Variants in ATP6V1G3 observed in about 807,000 individuals in gnomAD.
ATP6V1G3 encodes ATPase H+ transporting V1 subunit G3.
ATP6V1G3 carries 9 observed loss-of-function variants against 9.3 expected under a neutral mutation model. That is an observed-to-expected ratio of 0.97 (90% confidence interval 0.59 to 1.69). The LOEUF (loss-of-function observed/expected upper bound fraction) is 1.69, where lower values mean the gene tolerates loss of function less well. Ranked by LOEUF, ATP6V1G3 falls within the 40% of genes most tolerant of loss-of-function variation. The probability of loss-of-function intolerance (pLI) is 0.00; values close to 1 mark genes in which losing one functional copy is unlikely to be tolerated. For synonymous variants in ATP6V1G3, 43 were observed against 43.8 expected, an observed-to-expected ratio of 0.98 and a Z score of 0.07; for missense variants, 133 against 139.0, an observed-to-expected ratio of 0.96 and a Z score of 0.22.
At position 198,523,534 on chromosome 1, in the gene ATP6V1G3, C is replaced by T. The variant is rs2103128317; in HGVS notation, c.214G>A (p.Glu72Lys). The T allele has an allele frequency of 6.2e-7, 1 of 1,613,206 alleles. No homozygotes were observed. The highest frequency in any genetic ancestry group is 8.5e-7 in the Non-Finnish European group (1 of 1,179,602). ...IMGSQNNLSD[E>K]IEEQTLGKIQ... ...TTCCCTAGTGTTTGTTCTTCTATTT[C>T]ATCTGAGAGATTATTCTGAGAGCCC... The change falls in exon 3 of 3, where the codon GAA becomes AAA. Residue 72 changes from glutamate (E) to lysine (K), a missense_variant. Transcript: ENST00000367382.
chr1:198,527,289 C>T (rs1320710720), intron 2 of ATP6V1G3, among the ~76,000 whole-genome samples: 1 of 152,080 alleles, frequency 6.6e-6, no homozygotes, highest in Non-Finnish European at 1.5e-5. Context: ...ATATGCTGAC[C>T]TTTCTATGTG....
At position 198,529,075 on chromosome 1, in the gene ATP6V1G3, A is replaced by T; in HGVS notation, c.183+6T>A. The T allele has an allele frequency of 7.1e-7, 1 of 1,402,684 alleles. No individual in the cohort carries two copies. The highest frequency in any genetic ancestry group is 9.9e-7 in the Non-Finnish European group (1 of 1,011,844). The allele number at this position is 1,402,684 out of a possible 1,614,324, so 86.9% of individuals were successfully genotyped here. ...CATAAGAAACAGTGCTGACTTTCTT[A>T]CTCACCTTAGATTGTTTTAGTCGAA... On this transcript the variant is annotated splice_donor_region_variant and intron_variant, in intron 2 of 2. Coordinates refer to ENST00000367382, the MANE Select transcript of ATP6V1G3 (RefSeq NM_001376861.1).
At chr1:198,537,143 A>T (rs764568928) in intron 1 of ATP6V1G3, among the ~76,000 whole-genome samples, 4 of 152,084 alleles carry the variant, frequency 2.6e-5, no homozygotes, top group Non-Finnish European at 4.4e-5. Context: ...AGACTTGCAT[A>T]TTCAATTTCT....
intron 1 of ATP6V1G3, 46 bp from the exon 2 acceptor site, chr1:198,529,227 TC>T: frequency 2.4e-6 from 1 of 412,830 alleles, no homozygotes; most frequent in Non-Finnish European, 3.6e-6. Context: ...ATTATATATA[TC>T]AATATATAAA....
chr1:198,538,998 T>A (rs1159939693), intron 1 of ATP6V1G3, among the ~76,000 whole-genome samples: 1 of 152,142 alleles, frequency 6.6e-6, no homozygotes, highest in African/African-American at 2.4e-5. Flanking sequence ...TTGTTTTCTA[T>A]AAAACTACTC....
intron 1 of ATP6V1G3, among the ~76,000 whole-genome samples, chr1:198,537,486 T>C (rs1178058868): frequency 6.6e-6 from 1 of 152,170 alleles, no homozygotes; most frequent in Non-Finnish European, 1.5e-5. Context: ...CCCAAGTTTC[T>C]GAGAGTCTTG....
chr1:198,540,731 A>T (rs549911104), upstream of ATP6V1G3: 2 of 1,378,100 alleles, frequency 1.5e-6, no homozygotes, highest in East Asian at 2.3e-5. Context: ...TTAACATATA[A>T]CTCAGATTAT....
chr1:198,532,687 A>G (rs951392925), intron 1 of ATP6V1G3, among the ~76,000 whole-genome samples: 2 of 152,160 alleles, frequency 1.3e-5, no homozygotes, highest in Non-Finnish European at 2.9e-5. Flanking sequence ...GCCTAAAGGA[A>G]TAAGGCAACT....
intron 1 of ATP6V1G3, among the ~76,000 whole-genome samples, chr1:198,538,732 C>T (rs954751510): frequency 6.6e-5 from 10 of 151,212 alleles, no homozygotes; most frequent in Non-Finnish European, 1.3e-4. Context: ...GGCGAAACCC[C>T]GTCTCTACAA....
At chr1:198,531,975 A>T (rs545295842) in intron 1 of ATP6V1G3, among the ~76,000 whole-genome samples, 1 of 151,194 alleles carries the variant, frequency 6.6e-6, no homozygotes, top group South Asian at 2.1e-4. Context: ...AGTCAAGGAG[A>T]AAAAAAAAGG....
chr1:198,527,032 AG>A (rs1659682460), intron 2 of ATP6V1G3, among the ~76,000 whole-genome samples: 1 of 152,198 alleles, frequency 6.6e-6, no homozygotes, highest in Admixed American at 6.6e-5. Flanking sequence ...TTGATAAGTC[AG>A]GGGACTTGAA....
chr1:198,524,656 G>A (rs576303390), intron 2 of ATP6V1G3, among the ~76,000 whole-genome samples: 2 of 152,232 alleles, frequency 1.3e-5, no homozygotes, highest in South Asian at 4.1e-4. Flanking sequence ...AATTTCACCA[G>A]AGGAGTTAAC....
At chr1:198,536,630 T>C (rs1341186234) in intron 1 of ATP6V1G3, 3 of 1,471,738 alleles carry the variant, frequency 2.0e-6, no homozygotes, top group Non-Finnish European at 2.8e-6. Flanking sequence ...AAATATAACC[T>C]GTAATCAGTG....
chr1:198,529,459 T>G (rs1454431980), intron 1 of ATP6V1G3, among the ~76,000 whole-genome samples: 2 of 151,768 alleles, frequency 1.3e-5, no homozygotes, highest in Admixed American at 1.3e-4. Context: ...AATGACAACT[T>G]TTTTTTGCAC....
In ATP6V1G3 at chr1:198,523,557, C is replaced by T; in HGVS notation, c.191G>A (p.Gly64Asp). 1 of 1,609,874 alleles carries T rather than the reference C, an allele frequency of 6.2e-7. No homozygotes were observed. The highest frequency in any genetic ancestry group is 8.5e-7 in the Non-Finnish European group (1 of 1,178,710). The change falls in exon 3 of 3, where the codon GGC becomes GAC. Residue 64 changes from glycine to aspartate, a missense_variant. Coordinates refer to ENST00000367382, the MANE Select transcript of ATP6V1G3 (RefSeq NM_001376861.1). ...EFRLKQSKIMGSQNNLSDEIE... is the reference protein window; with the variant it reads ...EFRLKQSKIMDSQNNLSDEIE... ...TTCATCTGAGAGATTATTCTGAGAG[C>T]CCATTATCTACCAAAACAAAACAGA...
At chr1:198,539,504 G>A (rs563590643) in intron 1 of ATP6V1G3, among the ~76,000 whole-genome samples, 3 of 152,270 alleles carry the variant, frequency 2.0e-5, no homozygotes, top group Non-Finnish European at 2.9e-5. Context: ...AAATGTCTTG[G>A]CCTTGGGAAT....
Position 198,524,527 on chromosome 1 carries a change from G to A in ATP6V1G3, c.184-963C>T, listed in dbSNP as rs77530978. 4.5e-3 allele frequency among the ~76,000 whole-genome samples: 679 copies of A among 152,236 alleles called. 7 individuals are homozygous for A. Among genetic ancestry groups the A allele is most frequent in the African/African-American group, 0.016 (651 of 41,546 alleles). Reference sequence around the variant, plus strand: ...TTGTTCATTTAGTTACATCATAATTGTAGACACAGTTTAATATATCTTTCT... The same window carrying A: ...TTGTTCATTTAGTTACATCATAATTATAGACACAGTTTAATATATCTTTCT... On this transcript the variant is annotated intron_variant, in intron 2 of 2. Transcript: ENST00000367382.
intron 1 of ATP6V1G3, among the ~76,000 whole-genome samples, chr1:198,535,969 T>C (rs372108684): frequency 4.0e-5 from 6 of 151,142 alleles, no homozygotes; most frequent in African/African-American, 1.5e-4. Context: ...ATTTGTTCCA[T>C]TTTTCTCATA....
At chr1:198,538,851 C>G (rs1184439209) in intron 1 of ATP6V1G3, among the ~76,000 whole-genome samples, 1 of 135,568 alleles carries the variant, frequency 7.4e-6, no homozygotes, top group African/African-American at 3.0e-5. Context: ...GAGCCCAGAT[C>G]ATCTGCATTT....
Sources: allele counts gnomAD v4.1 joint callset (sites outside exome capture counted in the v4.1 genomes callset), GRCh38; gene constraint gnomAD v4.1.1; transcripts MANE v1.5; gene names NCBI Gene and HGNC (gene_info 2026-07-23, HGNC 2026-07-21).